AJAP1: variants seen among roughly 807,000 people sequenced by gnomAD.
AJAP1 encodes adherens junction-associated protein 1.
A neutral mutation model predicts 35.0 loss-of-function variants in AJAP1; 5 were observed. The observed-to-expected ratio is 0.14, with a 90% CI of 0.07 to 0.30. AJAP1 has a LOEUF of 0.30. Ranked by LOEUF, AJAP1 falls within the 10% of genes least tolerant of loss-of-function variation. The pLI, the probability that AJAP1 is intolerant of heterozygous loss-of-function variation, is 1.00. For synonymous variants in AJAP1, 284 were observed against 249.3 expected (o/e 1.14, Z -1.31); for missense variants, 586 against 571.0 (o/e 1.03, Z -0.27).
chr1:4,676,506 A>C (rs559085259), intron 1 of AJAP1, among the ~76,000 whole-genome samples: 1 of 152,262 alleles, frequency 6.6e-6, no homozygotes, highest in South Asian at 2.1e-4. Context: ...TCTCAGAAAC[A>C]GTGAAACCAA....
chr1:4,722,837 G>C (rs1477638199), intron 2 of AJAP1, among the ~76,000 whole-genome samples: 3 of 152,220 alleles, frequency 2.0e-5, no homozygotes, highest in Admixed American at 1.3e-4. Context: ...CCAGTGTGCT[G>C]GGAAAGGCAG....
At chr1:4,669,588 G>C (rs1230991443) in intron 1 of AJAP1, among the ~76,000 whole-genome samples, 1 of 152,150 alleles carries the variant, frequency 6.6e-6, no homozygotes, top group African/African-American at 2.4e-5. Context: ...ACCTCCACCT[G>C]GTCCCGCCCT....
chr1:4,711,223 G>A (rs1327098972), intron 1 of AJAP1: 1 of 152,382 alleles, frequency 6.6e-6, no homozygotes, highest in Admixed American at 6.5e-5. Context: ...TTAAAGCGAT[G>A]CCTGTTTACG....
At chr1:4,667,743 G>A (rs540046709) in intron 1 of AJAP1, among the ~76,000 whole-genome samples, 11 of 152,116 alleles carry the variant, frequency 7.2e-5, no homozygotes, top group Non-Finnish European at 1.0e-4. Context: ...TTAGAGAACC[G>A]GACCCCCAGT....
intron 2 of AJAP1, among the ~76,000 whole-genome samples, chr1:4,732,023 C>T (rs931826390): frequency 6.6e-6 from 1 of 152,236 alleles, no homozygotes; most frequent in South Asian, 2.1e-4. Flanking sequence ...GGAGCCTGTG[C>T]CCCACATGCA....
chr1:4,693,810 A>G lies in AJAP1; in HGVS notation c.30-18090A>G, dbSNP rs1438167658. Among the ~76,000 whole-genome samples the G allele has an allele frequency of 6.6e-6, 1 of 152,162 alleles. No homozygotes were observed. Among genetic ancestry groups the G allele is most frequent in the Non-Finnish European group, 1.5e-5 (1 of 68,032 alleles). On this transcript the variant is annotated intron_variant, in intron 1 of 5. Coordinates refer to ENST00000378191, the MANE Select transcript of AJAP1 (RefSeq NM_018836.4). This position sits in a 1 kb window ranked among gnomAD's most constrained non-coding sequence, Gnocchi z 4.4. The stretch of plus-strand genomic sequence containing the variant: ...CACATGGAGGGGAGGAAGGGGCCAA[A>G]CGCGTCCTTTTATCAGGAACCCACT...
intron 5 of AJAP1, among the ~76,000 whole-genome samples, chr1:4,780,048 G>A (rs1275052907): frequency 6.7e-5 from 10 of 150,016 alleles, no homozygotes; most frequent in African/African-American, 2.0e-4. Flanking sequence ...GGAGGCTGAG[G>A]CAGGAGAATC....
chr1:4,698,796 C>T (rs903860546), intron 1 of AJAP1, among the ~76,000 whole-genome samples: 2 of 152,202 alleles, frequency 1.3e-5, no homozygotes, highest in African/African-American at 4.8e-5. Context: ...TCACTGTGTG[C>T]CCTCCGATGT....
At chr1:4,749,556 G>C (rs987458611) in intron 2 of AJAP1, among the ~76,000 whole-genome samples, 1 of 152,190 alleles carries the variant, frequency 6.6e-6, no homozygotes, top group African/African-American at 2.4e-5. Context: ...CCACGGACGT[G>C]GGGAGGCACA....
At chr1:4,758,566 G>C (rs1641491315) in intron 2 of AJAP1, among the ~76,000 whole-genome samples, 1 of 152,130 alleles carries the variant, frequency 6.6e-6, no homozygotes, top group African/African-American at 2.4e-5. Flanking sequence ...TCACTACCAT[G>C]AGAACAGCAA....
At position 4,756,660 on chromosome 1, in the gene AJAP1, C is replaced by T. The variant is rs545232333; in HGVS notation, c.830-13193C>T. The stretch of plus-strand genomic sequence containing the variant: ...AGGTTTTGTTTTCCTGGGATTCAGA[C>T]GCTTAGGTTCTGTGCAAGAAGAGTG... On this transcript the variant is annotated intron_variant, in intron 2 of 5. Transcript: ENST00000378191. Among the ~76,000 whole-genome samples the T allele has an allele frequency of 6.6e-5, 10 of 152,292 alleles. No individual in the cohort carries two copies. In the South Asian group the frequency reaches 1.0e-3, roughly 16 times the overall value.
chr1:4,667,302 C>T (rs1639151502), intron 1 of AJAP1, among the ~76,000 whole-genome samples: 1 of 152,134 alleles, frequency 6.6e-6, no homozygotes, highest in Non-Finnish European at 1.5e-5. Context: ...GCCCTGACGA[C>T]CCAACTTTCC....
At chr1:4,733,537 T>C (rs1640849049) in intron 2 of AJAP1, among the ~76,000 whole-genome samples, 1 of 151,070 alleles carries the variant, frequency 6.6e-6, no homozygotes. Context: ...TGTCCTCACA[T>C]GGCATGCAGT....
At chr1:4,711,408 G>A (rs557370875) in intron 1 of AJAP1, among the ~76,000 whole-genome samples, 4 of 152,326 alleles carry the variant, frequency 2.6e-5, no homozygotes, top group Admixed American at 6.5e-5. Context: ...TGGGCGGGGG[G>A]TGGCCTGGGC....
chr1:4,780,583 A>G (rs1291909774), intron 5 of AJAP1, among the ~76,000 whole-genome samples: 1 of 149,822 alleles, frequency 6.7e-6, no homozygotes, highest in Non-Finnish European at 1.5e-5. Flanking sequence ...GCTAACCCAA[A>G]GGCACGTCCC....
At chr1:4,686,499 C>A (rs1056781076) in intron 1 of AJAP1, among the ~76,000 whole-genome samples, 1 of 152,206 alleles carries the variant, frequency 6.6e-6, no homozygotes. Context: ...ACACCCCATA[C>A]ATAGTTATTC....
intron 1 of AJAP1, among the ~76,000 whole-genome samples, chr1:4,659,245 G>A (rs1304989399): frequency 6.6e-6 from 1 of 152,226 alleles, no homozygotes; most frequent in Non-Finnish European, 1.5e-5. Flanking sequence ...CAAGTCAGTA[G>A]AGACCAAATT....
rs536631829 is a variant in AJAP1 at position 4,789,531 on chromosome 1, A to G, written c.*7046A>G. 8 of 152,326 alleles carry G rather than the reference A, an allele frequency of 5.3e-5. No individual in the cohort carries two copies. The highest frequency in any genetic ancestry group is 1.3e-4 in the Admixed American group (2 of 15,306). The allele number at this position is 152,326 out of a possible 1,614,324, so 9.4% of individuals were successfully genotyped here. ...TTTCATTTTGTAATTCAACACCCAAATATTTGCAACACTAAATAACAACTC... is the reference window on the plus strand; with the variant it reads ...TTTCATTTTGTAATTCAACACCCAAGTATTTGCAACACTAAATAACAACTC... On this transcript the variant is annotated 3_prime_UTR_variant, in exon 6 of 6. Coordinates refer to ENST00000378191, the MANE Select transcript of AJAP1 (RefSeq NM_018836.4). The surrounding 1 kb of genome is among the most constrained non-coding windows in gnomAD (Gnocchi z 4.4).
intron 1 of AJAP1, among the ~76,000 whole-genome samples, chr1:4,705,395 CTTTTTTTTTTT>C (rs58022692): frequency 3.8e-4 from 9 of 23,764 alleles, no homozygotes; most frequent in Admixed American, 8.4e-4. Flanking sequence ...TTTTGAAGAG[CTTTTTTTTTTT>C]TTTTTTTTTT....
Sources: gnomAD v4.1 joint callset for allele counts (sites outside exome capture counted in the v4.1 genomes callset) on GRCh38, gnomAD v4.1.1 for gene constraint, Gnocchi (gnomAD v3.1) non-coding constraint, MANE v1.5 for transcripts, NCBI Gene and HGNC (gene_info 2026-07-23, HGNC 2026-07-21) for gene names.